LMO2: variants seen among roughly 807,000 people sequenced by gnomAD.
LMO2 encodes LIM domain only 2, also known as rhombotin-2.
In LMO2, 20 loss-of-function variants were observed where a neutral mutation model predicts 23.2. That is an observed-to-expected ratio of 0.86 (90% CI 0.61 to 1.25). The LOEUF (loss-of-function observed/expected upper bound fraction) is 1.25, where lower values mean the gene tolerates loss of function less well. LMO2 is among the 50% of genes most tolerant of loss of function. LMO2 has a pLI of 0.00. For missense variants in LMO2, 270 were observed against 315.3 expected, an observed-to-expected ratio of 0.86 and a Z score of 1.09; for synonymous variants, 123 against 130.2, an observed-to-expected ratio of 0.94 and a Z score of 0.38.
At position 33,884,173 on chromosome 11, in the gene LMO2, G is replaced by T. The variant is rs144297036; in HGVS notation, c.-335-2286C>A. On this transcript the variant is annotated intron_variant, in intron 1 of 5. Coordinates refer to ENST00000257818, the MANE Select transcript of LMO2 (RefSeq NM_005574.4). The stretch of plus-strand genomic sequence containing the variant: ...CACTGGTTGAGGGCCCCACTGAGAA[G>T]AGGACTCCCTGACTTCTGGGGAGGA... 3.3e-3 allele frequency among the ~76,000 whole-genome samples: 501 copies of T among 152,198 alleles called. 3 individuals carry two copies. The highest frequency in any genetic ancestry group is 0.011 in the African/African-American group (475 of 41,516).
At position 33,869,742 on chromosome 11, in the gene LMO2, G is replaced by C; in HGVS notation, c.-26C>G. The C allele has an allele frequency of 2.4e-6, 3 of 1,264,982 alleles. No homozygotes were observed. Among genetic ancestry groups the C allele is most frequent in the Non-Finnish European group, 3.0e-6 (3 of 991,272 alleles). The allele number at this position is 1,264,982 out of a possible 1,614,324, so 78.4% of individuals were successfully genotyped here. On this transcript the variant is annotated 5_prime_UTR_variant, in exon 3 of 6. Coordinates refer to ENST00000257818, the MANE Select transcript of LMO2 (RefSeq NM_005574.4). ...CCCGGTCCCGCCGCCGCCACCGCCC[G>C]GTCCCTCTCGCGCGCTGTCGCCGGC...
At chr11:33,869,168 C>T (rs980693305) in intron 4 of LMO2, among the ~76,000 whole-genome samples, 178 bp downstream of exon 4, 6 of 152,102 alleles carry the variant, frequency 3.9e-5, no homozygotes, top group African/African-American at 1.4e-4. Context: ...AGTCCCTCTC[C>T]CAGAGCCCCC....
chr11:33,865,309 C>T (rs1856743284), intron 4 of LMO2, among the ~76,000 whole-genome samples: 1 of 152,220 alleles, frequency 6.6e-6, no homozygotes, highest in Non-Finnish European at 1.5e-5. Context: ...ATCTGCAAAT[C>T]CCCAGTGCCA....
chr11:33,863,863 T>C (rs1309902347), intron 5 of LMO2, among the ~76,000 whole-genome samples: 1 of 152,242 alleles, frequency 6.6e-6, no homozygotes, highest in East Asian at 1.9e-4. Context: ...AGCTAACATC[T>C]ATTTGATCCA....
intron 1 of LMO2, among the ~76,000 whole-genome samples, chr11:33,883,890 G>A (rs900766419): frequency 1.3e-5 from 2 of 152,162 alleles, no homozygotes; most frequent in African/African-American, 4.8e-5. Context: ...TAACAGAGCA[G>A]GTGTGTCTGG....
chr11:33,870,730 G>A (rs1856997416), intron 2 of LMO2, among the ~76,000 whole-genome samples: 1 of 152,228 alleles, frequency 6.6e-6, no homozygotes, highest in South Asian at 2.1e-4. Flanking sequence ...TAAAGTGCCA[G>A]TAGTATCCCG....
At chr11:33,883,400 GTC>G (rs1857332204) in intron 1 of LMO2, among the ~76,000 whole-genome samples, 1 of 152,220 alleles carries the variant, frequency 6.6e-6, no homozygotes, top group South Asian at 2.1e-4. Context: ...AAGAAACTCA[GTC>G]TCCCCAAAAT....
intron 5 of LMO2, among the ~76,000 whole-genome samples, chr11:33,862,123 GA>G (rs1221735183): frequency 6.6e-6 from 1 of 152,200 alleles, no homozygotes; most frequent in African/African-American, 2.4e-5. Context: ...GCATTCTCAG[GA>G]AAAACCTGGA....
chr11:33,881,005 A>G, intron 2 of LMO2: 1 of 354,614 alleles, frequency 2.8e-6, no homozygotes, highest in South Asian at 2.1e-5. Context: ...TTATTATGCA[A>G]AGCCACAGCA....
chr11:33,877,784 G>A (rs534288855), intron 2 of LMO2, among the ~76,000 whole-genome samples: 70 of 151,902 alleles, frequency 4.6e-4, no homozygotes, highest in Non-Finnish European at 7.4e-4. Flanking sequence ...ATTCTTAAGC[G>A]ACAAACCTCA....
intron 1 of LMO2, among the ~76,000 whole-genome samples, chr11:33,886,421 G>A (rs991498578): frequency 3.3e-5 from 5 of 152,156 alleles, no homozygotes; most frequent in African/African-American, 9.7e-5. Flanking sequence ...TCAGGATGAT[G>A]TGATATTCCT....
At chr11:33,862,726 A>T (rs1856629737) in intron 5 of LMO2, among the ~76,000 whole-genome samples, 1 of 152,220 alleles carries the variant, frequency 6.6e-6, no homozygotes, top group Admixed American at 6.5e-5. Flanking sequence ...CTAAAGGACC[A>T]TCCCTGACGC....
In LMO2 at chr11:33,869,490, CCGCCGCCGCCGT is replaced by C. The variant is rs1190368852; in HGVS notation, c.92_103del (p.Asp31_Gly34del). ...CCCCTCGGGTGCTCGGGCGCCGCCG[CCGCCGCCGCCGT>C]CGCCGCCGCTCCTGCGCCTCCGCTT... On this transcript the variant is annotated inframe_deletion, in exon 4 of 6. Transcript: ENST00000257818. 1.0e-5 allele frequency: 12 copies of C among 1,203,528 alleles called. No individual in the cohort carries two copies. Among genetic ancestry groups the C allele is most frequent in the East Asian group, 3.9e-5 (1 of 25,626 alleles). The allele number at this position is 1,203,528 out of a possible 1,614,324, so 74.6% of individuals were successfully genotyped here. A position where few individuals can be genotyped will look rare whatever the true frequency, so the allele number is the denominator to read the frequency against.
At chr11:33,877,813 G>A (rs1033148853) in intron 2 of LMO2, among the ~76,000 whole-genome samples, 1 of 151,948 alleles carries the variant, frequency 6.6e-6, no homozygotes, top group African/African-American at 2.4e-5. Flanking sequence ...GAGTAGAGCT[G>A]GAATCTTGTT....
intron 1 of LMO2, among the ~76,000 whole-genome samples, chr11:33,887,000 C>T (rs911817): frequency 0.75 from 114,133 of 152,224 alleles, 42,969 homozygotes; most frequent in Middle Eastern, 0.79. Context: ...ACACCGATGC[C>T]TTGTGAATTG....
At chr11:33,872,855 G>T (rs1465114916) in intron 2 of LMO2, among the ~76,000 whole-genome samples, 2 of 152,094 alleles carry the variant, frequency 1.3e-5, no homozygotes, top group African/African-American at 4.8e-5. Flanking sequence ...CTGCCTCCTG[G>T]GTTCAAGCGA....
chr11:33,888,291 G>A (rs1857461669), intron 1 of LMO2, among the ~76,000 whole-genome samples: 1 of 152,126 alleles, frequency 6.6e-6, no homozygotes, highest in Admixed American at 6.5e-5. Context: ...ACAGGTCAGG[G>A]GCCATACTCT....
At chr11:33,887,658 C>A (rs1225844381) in intron 1 of LMO2, among the ~76,000 whole-genome samples, 1 of 151,754 alleles carries the variant, frequency 6.6e-6, no homozygotes, top group East Asian at 1.9e-4. Context: ...GATCCTCCCA[C>A]CTCAACCTCC....
In LMO2 at chr11:33,869,709, C is replaced by T. The variant is rs776713303; in HGVS notation, c.7+1G>A. 17 of 1,299,080 alleles carry T rather than the reference C, an allele frequency of 1.3e-5. No individual in the cohort carries two copies. The highest frequency in any genetic ancestry group is 1.6e-5 in the Non-Finnish European group (16 of 1,004,878). 80.5% of individuals were successfully genotyped at this position (1,299,080 alleles called of 1,614,324 possible). On this transcript the variant is annotated splice_donor_variant, in intron 3 of 5. Coordinates refer to ENST00000257818, the MANE Select transcript of LMO2 (RefSeq NM_005574.4). LOFTEE classifies it high-confidence loss of function. ...GCTGCTGCTGCTGCTCAGGACTTAA[C>T]CTTCCATCCCGGTCCCGCCGCCGCC... is the stretch of plus-strand genomic sequence containing the variant.
Sources: allele counts gnomAD v4.1 joint callset (sites outside exome capture counted in the v4.1 genomes callset), GRCh38; gene constraint gnomAD v4.1.1; transcripts MANE v1.5; gene names NCBI Gene and HGNC (gene_info 2026-07-23, HGNC 2026-07-21).